The following PARD3 variants were observed in gnomAD, a reference collection of about 807,000 sequenced individuals.
PARD3 encodes the protein par-3 family cell polarity regulator.
In PARD3, 75 loss-of-function variants were observed where a neutral mutation model predicts 155.4. The ratio of observed to expected loss-of-function variants is 0.48; its 90% CI spans 0.40 to 0.58. The LOEUF is 0.58. Among genes scored for constraint, PARD3 ranks in the 20% least tolerant of loss-of-function variants. The probability of loss-of-function intolerance (pLI) is 0.00; values close to 1 mark genes in which losing one functional copy is unlikely to be tolerated. For synonymous variants in PARD3, 576 were observed against 610.5 expected, an observed-to-expected ratio of 0.94 and a Z score of 0.83; for missense variants, 1,642 against 1,721.7, an observed-to-expected ratio of 0.95 and a Z score of 0.82.
At chr10:34,260,388 C>T (rs1954894703) in intron 22 of PARD3, among the ~76,000 whole-genome samples, 1 of 152,074 alleles carries the variant, frequency 6.6e-6, no homozygotes, top group African/African-American at 2.4e-5. Flanking sequence ...GGAGCAGGTG[C>T]CTTGAAGTGG....
At chr10:34,576,734 C>A (rs2086919071) in intron 2 of PARD3, among the ~76,000 whole-genome samples, 1 of 152,166 alleles carries the variant, frequency 6.6e-6, no homozygotes, top group Admixed American at 6.5e-5. Context: ...ATCCTGTAAG[C>A]TGACCAGTGT....
chr10:34,754,383 C>G (rs934531534), intron 1 of PARD3, among the ~76,000 whole-genome samples: 1 of 152,172 alleles, frequency 6.6e-6, no homozygotes, highest in Non-Finnish European at 1.5e-5. Context: ...AAAACACTTT[C>G]AAGTCATAAG....
intron 2 of PARD3, among the ~76,000 whole-genome samples, chr10:34,568,806 A>G (rs2134131740): frequency 6.6e-6 from 1 of 152,322 alleles, no homozygotes; most frequent in Non-Finnish European, 1.5e-5. Context: ...TGTAAAAAAG[A>G]TGCACTCAAA....
intron 22 of PARD3, among the ~76,000 whole-genome samples, chr10:34,225,061 T>C (rs1952516940): frequency 6.6e-6 from 1 of 152,192 alleles, no homozygotes; most frequent in Non-Finnish European, 1.5e-5. Context: ...TGTTAATATT[T>C]AATCAAATTT....
At chr10:34,562,687 C>A (rs1026284463) in intron 2 of PARD3, among the ~76,000 whole-genome samples, 3 of 151,970 alleles carry the variant, frequency 2.0e-5, no homozygotes, top group Non-Finnish European at 4.4e-5. Flanking sequence ...AAATGATACA[C>A]CATCATTATC....
At chr10:34,494,484 C>T (rs568688192) in intron 3 of PARD3, among the ~76,000 whole-genome samples, 2 of 152,144 alleles carry the variant, frequency 1.3e-5, no homozygotes, top group Non-Finnish European at 2.9e-5. Flanking sequence ...AATTACTAAA[C>T]GATCACTTGA....
At chr10:34,774,249 T>C (rs1564606267) in intron 1 of PARD3, among the ~76,000 whole-genome samples, 1 of 152,236 alleles carries the variant, frequency 6.6e-6, no homozygotes, top group Admixed American at 6.5e-5. Flanking sequence ...CTACATCCTA[T>C]AGATCTGGCC....
intron 2 of PARD3, among the ~76,000 whole-genome samples, chr10:34,577,850 CTTTT>C (rs369876578): frequency 6.9e-6 from 1 of 144,540 alleles, no homozygotes. Context: ...CTAGAATAAA[CTTTT>C]TTTTTTTTTT....
chr10:34,608,590 A>C (rs1029107319), intron 2 of PARD3, among the ~76,000 whole-genome samples: 1 of 144,432 alleles, frequency 6.9e-6, no homozygotes, highest in Admixed American at 7.0e-5. Flanking sequence ...GCTGGAGTGC[A>C]ATGGCCCGAT....
intron 1 of PARD3, among the ~76,000 whole-genome samples, chr10:34,787,596 G>A (rs1314547269): frequency 6.6e-6 from 1 of 152,106 alleles, no homozygotes; most frequent in African/African-American, 2.4e-5. Context: ...GAGGTACTCA[G>A]CATTTTTATA....
chr10:34,638,586 G>A (rs1000333434), intron 2 of PARD3, among the ~76,000 whole-genome samples: 5 of 152,164 alleles, frequency 3.3e-5, no homozygotes, highest in Admixed American at 6.5e-5. Context: ...AAGTGCAGGC[G>A]CAGGCTCACT....
At position 34,439,414 on chromosome 10, in the gene PARD3, C is replaced by G. The variant is rs547536991; in HGVS notation, c.714+10903G>C. Among the ~76,000 whole-genome samples, 3 of 151,786 alleles carry G rather than the reference C, an allele frequency of 2.0e-5. No individual in the cohort carries two copies. In the East Asian group the frequency reaches 5.8e-4, roughly 29 times the overall value. On this transcript the variant is annotated intron_variant, in intron 5 of 24. Transcript: ENST00000374788. ...TTGCAGAAAAAAAAAAAAGCTCAGT[C>G]TTCCAACCTTGTGAAGTTATGTATT...
At chr10:34,503,723 G>A (rs1250977324) in intron 3 of PARD3, among the ~76,000 whole-genome samples, 2 of 152,222 alleles carry the variant, frequency 1.3e-5, no homozygotes, top group East Asian at 1.9e-4. Context: ...GACTTATAGC[G>A]GCTGTTTAAT....
chr10:34,427,419 A>G (rs1030847199), intron 5 of PARD3, among the ~76,000 whole-genome samples: 23 of 152,138 alleles, frequency 1.5e-4, no homozygotes, highest in Admixed American at 1.5e-3. Context: ...CAGTGCCCCT[A>G]GGCTTGCTAG....
chr10:34,337,506 G>A (rs1836318178), intron 16 of PARD3, 80 bp from the exon 17 acceptor site: 3 of 769,902 alleles, frequency 3.9e-6, no homozygotes, highest in East Asian at 3.1e-5. Context: ...ATACATACCT[G>A]CAAGTGTAAA....
intron 12 of PARD3, among the ~76,000 whole-genome samples, chr10:34,360,992 C>T (rs1839381228): frequency 6.6e-6 from 1 of 152,184 alleles, no homozygotes; most frequent in Non-Finnish European, 1.5e-5. Flanking sequence ...TTGTTCACCT[C>T]CCTTAAAACA....
At chr10:34,520,163 C>G (rs952559498) in intron 2 of PARD3, among the ~76,000 whole-genome samples, 1 of 152,160 alleles carries the variant, frequency 6.6e-6, no homozygotes, top group African/African-American at 2.4e-5. Context: ...TCGTTTGGAA[C>G]AAATGCTATT....
intron 5 of PARD3, among the ~76,000 whole-genome samples, chr10:34,420,240 A>G (rs1397981176): frequency 6.6e-6 from 1 of 152,228 alleles, no homozygotes; most frequent in Admixed American, 6.5e-5. Context: ...TCACTCCTCC[A>G]TTAATGGACA....
intron 3 of PARD3, among the ~76,000 whole-genome samples, chr10:34,491,980 A>G (rs1253160720): frequency 6.6e-6 from 1 of 152,158 alleles, no homozygotes; most frequent in Non-Finnish European, 1.5e-5. Context: ...AATTGTCAAA[A>G]TGTCACAGAC....
Sources: allele counts gnomAD v4.1 joint callset (sites outside exome capture counted in the v4.1 genomes callset), GRCh38; gene constraint gnomAD v4.1.1; transcripts MANE v1.5; gene names NCBI Gene and HGNC (gene_info 2026-07-23, HGNC 2026-07-21).